Variants in FAM107A observed in about 807,000 individuals in gnomAD.
The protein encoded by FAM107A is family with sequence similarity 107 member A, also known as actin-associated protein FAM107A.
Under a neutral mutation model 13.7 loss-of-function variants are expected in FAM107A, and 19 were observed. That is an observed-to-expected ratio of 1.38 (90% CI 0.97 to 2.03). The LOEUF (loss-of-function observed/expected upper bound fraction) is 2.03, where lower values mean the gene tolerates loss of function less well. Ranked by LOEUF, FAM107A falls within the 30% of genes most tolerant of loss-of-function variation. The pLI, the probability that FAM107A is intolerant of heterozygous loss-of-function variation, is 0.00. For missense variants in FAM107A, 203 were observed against 184.4 expected, an observed-to-expected ratio of 1.10 and a Z score of -0.58; for synonymous variants, 82 against 74.5, an observed-to-expected ratio of 1.10 and a Z score of -0.52.
At position 58,613,103 on chromosome 3, in the gene FAM107A, T is replaced by G. The variant is rs6763909; in HGVS notation, c.-70+14313A>C. 0.071 allele frequency among the ~76,000 whole-genome samples: 10,823 copies of G among 152,252 alleles called. 446 individuals are homozygous for G. Among genetic ancestry groups the G allele is most frequent in the East Asian group, 0.14 (721 of 5,178 alleles). On this transcript the variant is annotated intron_variant, in intron 1 of 3. Transcript: ENST00000465970. The surrounding 1 kb of genome is among the most constrained non-coding windows in gnomAD (Gnocchi z 4.6). The stretch of plus-strand genomic sequence containing the variant: ...GCAGCTCCATATCGCCAGCCGTGAC[T>G]CTGCCCTGAAATCTAGCCCAAGGGA...
intron 1 of FAM107A, among the ~76,000 whole-genome samples, chr3:58,583,824 G>A (rs933541557): frequency 4.6e-5 from 7 of 151,982 alleles, no homozygotes; most frequent in Non-Finnish European, 1.0e-4. Flanking sequence ...AGGACCACAG[G>A]CATGCACCAC....
upstream of FAM107A, chr3:58,589,086 C>G (rs1233272484): frequency 2.9e-6 from 2 of 688,218 alleles, no homozygotes; most frequent in African/African-American, 3.6e-5. Context: ...AGGGAGAAAC[C>G]AAACCAGCTG....
At chr3:58,581,298 A>G (rs1463985263), upstream of FAM107A, among the ~76,000 whole-genome samples, 1 of 152,170 alleles carries the variant, frequency 6.6e-6, no homozygotes, top group Admixed American at 6.5e-5. Flanking sequence ...GACAGGGAAG[A>G]CCAGGGGAGG....
chr3:58,578,483 G>A (rs2063747972), upstream of FAM107A, among the ~76,000 whole-genome samples: 1 of 152,084 alleles, frequency 6.6e-6, no homozygotes, highest in African/African-American at 2.4e-5. Flanking sequence ...CAGGAGAATT[G>A]CTTGAACTTG....
intron 3 of FAM107A, 136 bp from the exon 4 acceptor site, chr3:58,566,831 T>C (rs983910771): frequency 2.9e-6 from 2 of 687,108 alleles, no homozygotes; most frequent in South Asian, 1.7e-5. Flanking sequence ...GCTATCAGCC[T>C]GGTAGCTGGG....
intron 1 of FAM107A, among the ~76,000 whole-genome samples, chr3:58,575,710 T>A (rs2063725056): frequency 6.6e-6 from 1 of 152,208 alleles, no homozygotes; most frequent in Admixed American, 6.5e-5. Flanking sequence ...ATTTTATAGA[T>A]AAGAACATGG....
At chr3:58,627,408 C>T (rs1247699079) in intron 1 of FAM107A, 1 of 191,704 alleles carries the variant, frequency 5.2e-6, no homozygotes, top group African/African-American at 2.3e-5. Context: ...AGGACTTGGC[C>T]TTCTCACCTT....
chr3:58,587,152 G>GC, upstream of FAM107A: 1 of 1,338,520 alleles, frequency 7.5e-7, no homozygotes, highest in Non-Finnish European at 9.6e-7. Flanking sequence ...CCGCGCCCAG[G>GC]TAGCAGGCAG....
At chr3:58,584,891 G>A (rs758554272) in intron 1 of FAM107A, among the ~76,000 whole-genome samples, 4 of 152,086 alleles carry the variant, frequency 2.6e-5, no homozygotes, top group African/African-American at 7.2e-5. Flanking sequence ...CCCCCCTCCC[G>A]CCCTGTGGAG....
At position 58,617,844 on chromosome 3, in the gene FAM107A, C is replaced by T. The variant is rs1472392268; in HGVS notation, c.-70+9572G>A. On this transcript the variant is annotated intron_variant, in intron 1 of 3. Coordinates refer to the FAM107A transcript ENST00000465970. This position sits in a 1 kb window ranked among gnomAD's most constrained non-coding sequence, Gnocchi z 4.5. ...CTGGCTTGACATGAACAGCTTCAGT[C>T]CTGATGCTTGAAAAACAAGATGAAC... is the stretch of plus-strand genomic sequence containing the variant. Among the ~76,000 whole-genome samples, 1 of 152,158 alleles carries T rather than the reference C, an allele frequency of 6.6e-6. No individual in the cohort carries two copies. The highest frequency in any genetic ancestry group is 1.5e-5 in the Non-Finnish European group (1 of 68,038).
intron 1 of FAM107A, among the ~76,000 whole-genome samples, chr3:58,600,992 G>C (rs2065748610): frequency 6.6e-6 from 1 of 152,116 alleles, no homozygotes; most frequent in Non-Finnish European, 1.5e-5. Context: ...TAAGACTCAG[G>C]TTCCTCGTGT....
At chr3:58,610,080 G>T (rs974049655) in intron 1 of FAM107A, among the ~76,000 whole-genome samples, 1 of 152,188 alleles carries the variant, frequency 6.6e-6, no homozygotes, top group African/African-American at 2.4e-5. Flanking sequence ...TGGACCTGAG[G>T]AGACAGCAGC....
At position 58,569,685 on chromosome 3, in the gene FAM107A, C is replaced by T. The variant is rs1048085175; in HGVS notation, c.170+6G>A. 1.2e-6 allele frequency: 2 copies of T among 1,610,844 alleles called. No individual in the cohort carries two copies. Among genetic ancestry groups the T allele is most frequent in the Non-Finnish European group, 1.7e-6 (2 of 1,178,790 alleles). ...CGGGGCCCAGGCAGCAGGGCTTCAT[C>T]CCTACCTTCTGTGGTTCATGAGCAG... On this transcript the variant is annotated splice_donor_region_variant and intron_variant, in intron 2 of 3. Coordinates refer to ENST00000360997, the MANE Select transcript of FAM107A (RefSeq NM_001076778.3). This position sits in a 1 kb window ranked among gnomAD's most constrained non-coding sequence, Gnocchi z 5.7.
At position 58,569,723 on chromosome 3, in the gene FAM107A, C is replaced by G; in HGVS notation, c.138G>C (p.Glu46Asp). The G allele has an allele frequency of 1.2e-6, 2 of 1,613,966 alleles. No homozygotes were observed. Among genetic ancestry groups the G allele is most frequent in the Non-Finnish European group, 1.7e-6 (2 of 1,179,946 alleles). ...NPVKASRSHQ[E>D]LHRELLMNHR... ...GGTTCATGAGCAGCTCCCGGTGGAGCTCCTGGTGACTCCGAGAGGCCTTCA... is the reference window on the plus strand; with the variant it reads ...GGTTCATGAGCAGCTCCCGGTGGAGGTCCTGGTGACTCCGAGAGGCCTTCA... The change falls in exon 2 of 4, where the codon GAG becomes GAC. Residue 46 changes from glutamate (E) to aspartate (D), a missense_variant. Transcript: ENST00000360997. This position sits in a 1 kb window ranked among gnomAD's most constrained non-coding sequence, Gnocchi z 5.7.
At chr3:58,578,836 A>G (rs1234004944), upstream of FAM107A, among the ~76,000 whole-genome samples, 1 of 152,258 alleles carries the variant, frequency 6.6e-6, no homozygotes, top group Non-Finnish European at 1.5e-5. Context: ...GATGAGGCCT[A>G]GGACATGCAT....
chr3:58,595,957 G>A (rs557490392), intron 1 of FAM107A, among the ~76,000 whole-genome samples: 1 of 152,296 alleles, frequency 6.6e-6, no homozygotes, highest in African/African-American at 2.4e-5. Context: ...TGTTCTCACC[G>A]TTTCCAAATC....
chr3:58,600,055 T>C (rs1234490095), intron 1 of FAM107A, among the ~76,000 whole-genome samples: 5 of 152,152 alleles, frequency 3.3e-5, no homozygotes, highest in Non-Finnish European at 5.9e-5. Flanking sequence ...TAATGGGTGA[T>C]AGGACAATAT....
At position 58,604,635 on chromosome 3, in the gene FAM107A, CT is replaced by C; in HGVS notation, c.-69-15367del. Among the ~76,000 whole-genome samples, 1 of 152,266 alleles carries C rather than the reference CT, an allele frequency of 6.6e-6. No homozygotes were observed. ...CTGAATGCACTTTCCTTTATTAATC[CT>C]TGTGTTTCAAAGATTTTGGGGAATA... On this transcript the variant is annotated intron_variant, in intron 1 of 3. Coordinates refer to the FAM107A transcript ENST00000465970. The surrounding 1 kb of genome is among the most constrained non-coding windows in gnomAD (Gnocchi z 4.1).
intron 1 of FAM107A, among the ~76,000 whole-genome samples, chr3:58,574,846 C>A (rs1192805562): frequency 1.3e-5 from 2 of 152,184 alleles, no homozygotes; most frequent in Non-Finnish European, 2.9e-5. Flanking sequence ...ATGTTGGCCC[C>A]ACACCAGGCA....
Sources: allele counts gnomAD v4.1 joint callset (sites outside exome capture counted in the v4.1 genomes callset), GRCh38; gene constraint gnomAD v4.1.1; non-coding constraint Gnocchi (gnomAD v3.1); transcripts MANE v1.5; gene names NCBI Gene and HGNC (gene_info 2026-07-23, HGNC 2026-07-21).